Variants in MEI4 observed in about 807,000 individuals in gnomAD.
MEI4 encodes meiotic double-stranded break formation protein 4.
In MEI4, 27 loss-of-function variants were observed where a neutral mutation model predicts 31.4. That is an observed-to-expected ratio of 0.86 (90% confidence interval 0.63 to 1.19). The LOEUF (loss-of-function observed/expected upper bound fraction) is 1.19, where lower values mean the gene tolerates loss of function less well. Ranked by LOEUF, MEI4 falls within the 50% of genes most tolerant of loss-of-function variation. MEI4 has a pLI of 0.00. For missense variants in MEI4, 329 were observed against 398.9 expected (o/e 0.82, Z 1.49); for synonymous variants, 122 against 145.4 (o/e 0.84, Z 1.16).
chr6:77,792,615 T>C (rs1282585357), intron 3 of MEI4, among the ~76,000 whole-genome samples: 3 of 152,226 alleles, frequency 2.0e-5, no homozygotes, highest in Non-Finnish European at 4.4e-5. Flanking sequence ...TTTTGTCTTA[T>C]GTTTAAATCT....
At chr6:77,876,504 G>A (rs890550275) in intron 4 of MEI4, among the ~76,000 whole-genome samples, 2 of 151,914 alleles carry the variant, frequency 1.3e-5, no homozygotes, top group African/African-American at 4.8e-5. Flanking sequence ...AGAATCATGA[G>A]TCAAAAAAAC....
At chr6:77,763,802 C>T (rs116038125) in intron 3 of MEI4, among the ~76,000 whole-genome samples, 4,486 of 151,984 alleles carry the variant, frequency 0.03, 235 homozygotes, top group African/African-American at 0.1. Context: ...GTGTAGTCGT[C>T]AGATTATTTG....
At chr6:77,737,477 G>C (rs1201289153) in intron 2 of MEI4, among the ~76,000 whole-genome samples, 1 of 152,192 alleles carries the variant, frequency 6.6e-6, no homozygotes, top group South Asian at 2.1e-4. Context: ...GACACTTGAG[G>C]AGTGCACGTT....
chr6:77,704,909 C>T (rs1393328073), intron 2 of MEI4, among the ~76,000 whole-genome samples: 3 of 152,042 alleles, frequency 2.0e-5, no homozygotes, highest in African/African-American at 7.2e-5. Flanking sequence ...CATTTGGCAC[C>T]TGGTCACCAA....
At chr6:77,700,510 A>G (rs1401017123) in intron 2 of MEI4, among the ~76,000 whole-genome samples, 1 of 152,156 alleles carries the variant, frequency 6.6e-6, no homozygotes, top group African/African-American at 2.4e-5. Flanking sequence ...TTCTTTGACT[A>G]GGAAAGGGAA....
chr6:77,829,606 C>A (rs895048374), intron 4 of MEI4, among the ~76,000 whole-genome samples: 4 of 152,162 alleles, frequency 2.6e-5, no homozygotes, highest in Admixed American at 6.6e-5. Context: ...GACCACTGCT[C>A]TAAGCCCTTT....
rs571475983 is a variant in MEI4, at chr6:77,906,304, ACT to A, written c.901-16782_901-16781del. ...TTTGGTGGAGAAGTCATTTATTCAG[ACT>A]CTGCATACTAGTTTTGGTGTTGAAA... On this transcript the variant is annotated intron_variant, in intron 4 of 4. Coordinates refer to ENST00000684080, the MANE Select transcript of MEI4 (RefSeq NM_001322247.2). Among the ~76,000 whole-genome samples the A allele has an allele frequency of 4.6e-5, 7 of 152,000 alleles. No individual in the cohort carries two copies. The East Asian group carries it at 1.2e-3, about 25-fold the overall frequency.
chr6:77,763,675 G>A (rs1768096939), intron 3 of MEI4, among the ~76,000 whole-genome samples: 2 of 152,102 alleles, frequency 1.3e-5, no homozygotes, highest in African/African-American at 2.4e-5. Flanking sequence ...CCTGGTTTTG[G>A]TATGAGGGTA....
At chr6:77,863,431 C>A (rs6932822) in intron 4 of MEI4, among the ~76,000 whole-genome samples, 21,168 of 151,588 alleles carry the variant, frequency 0.14, 1,750 homozygotes, top group East Asian at 0.39. Context: ...AACTACGTGA[C>A]AAATGCACAA....
At chr6:77,839,629 G>A (rs1770309803) in intron 4 of MEI4, among the ~76,000 whole-genome samples, 1 of 152,138 alleles carries the variant, frequency 6.6e-6, no homozygotes, top group African/African-American at 2.4e-5. Context: ...TCAGAGTAAA[G>A]ACATGGAAAA....
chr6:77,849,258 G>A (rs1770558398), intron 4 of MEI4, among the ~76,000 whole-genome samples: 1 of 152,110 alleles, frequency 6.6e-6, no homozygotes, highest in Admixed American at 6.5e-5. Flanking sequence ...TAGAGAACAA[G>A]TTGAAAACAT....
chr6:77,733,757 G>A (rs1440136401), intron 2 of MEI4, among the ~76,000 whole-genome samples: 3 of 151,950 alleles, frequency 2.0e-5, no homozygotes, highest in Admixed American at 6.5e-5. Context: ...TTTCTCTTGT[G>A]GGCATTTAGT....
At chr6:77,666,552 G>A (rs1768636802) in intron 1 of MEI4, among the ~76,000 whole-genome samples, 1 of 152,156 alleles carries the variant, frequency 6.6e-6, no homozygotes, top group South Asian at 2.1e-4. Context: ...AACTTTATAA[G>A]TTAGGTGCTA....
intron 3 of MEI4, among the ~76,000 whole-genome samples, chr6:77,827,157 A>C (rs552935248): frequency 6.6e-6 from 1 of 151,886 alleles, no homozygotes; most frequent in Non-Finnish European, 1.5e-5. Flanking sequence ...TTAGGAGATC[A>C]AGACCATCCT....
chr6:77,781,339 C>A (rs974213520), intron 3 of MEI4, among the ~76,000 whole-genome samples: 1 of 152,066 alleles, frequency 6.6e-6, no homozygotes, highest in Non-Finnish European at 1.5e-5. Context: ...ATGCTTACGA[C>A]CTGTCTATAT....
intron 4 of MEI4, among the ~76,000 whole-genome samples, chr6:77,857,329 G>T (rs73763512): frequency 6.6e-6 from 1 of 152,142 alleles, no homozygotes; most frequent in East Asian, 1.9e-4. Context: ...CAGTGGGAAG[G>T]TTTTACTGAT....
At chr6:77,813,907 A>G (rs1057140727) in intron 3 of MEI4, among the ~76,000 whole-genome samples, 2 of 152,226 alleles carry the variant, frequency 1.3e-5, no homozygotes, top group East Asian at 1.9e-4. Context: ...ATGTACATCA[A>G]TGATGATTTT....
chr6:77,687,883 C>A (rs1769087769), intron 1 of MEI4, among the ~76,000 whole-genome samples: 1 of 151,962 alleles, frequency 6.6e-6, no homozygotes, highest in Non-Finnish European at 1.5e-5. Flanking sequence ...GAGATTTCAT[C>A]AAAAAAGCAT....
intron 4 of MEI4, among the ~76,000 whole-genome samples, chr6:77,916,674 T>A (rs1766556946): frequency 6.6e-6 from 1 of 152,104 alleles, no homozygotes; most frequent in Admixed American, 6.6e-5. Context: ...CCCACTTTCT[T>A]TGCTTATCCA....
Sources: gnomAD v4.1 joint callset for allele counts (sites outside exome capture counted in the v4.1 genomes callset) on GRCh38, gnomAD v4.1.1 for gene constraint, MANE v1.5 for transcripts, NCBI Gene and HGNC (gene_info 2026-07-23, HGNC 2026-07-21) for gene names.